TSPAN12: variants seen among roughly 807,000 people sequenced by gnomAD.
TSPAN12 encodes tetraspanin-12.
Under a neutral mutation model 39.2 loss-of-function variants are expected in TSPAN12, and 19 were observed. The observed-to-expected ratio is 0.49, with a 90% CI of 0.34 to 0.71. TSPAN12 has a LOEUF of 0.71. Among genes scored for constraint, TSPAN12 ranks in the 30% least tolerant of loss-of-function variants. The pLI is 0.01. For synonymous variants in TSPAN12, 119 were observed against 124.8 expected (o/e 0.95, Z 0.31); for missense variants, 314 against 359.9 (o/e 0.87, Z 1.03).
intron 7 of TSPAN12, among the ~76,000 whole-genome samples, chr7:120,804,033 T>C (rs1411058878): frequency 6.6e-6 from 1 of 152,152 alleles, no homozygotes; most frequent in African/African-American, 2.4e-5. Flanking sequence ...TCATGATCAA[T>C]AGTAGTTATA....
At chr7:120,840,205 T>C in intron 2 of TSPAN12, 96 bp from the exon 3 acceptor site, 1 of 934,598 alleles carries the variant, frequency 1.1e-6, no homozygotes, top group East Asian at 2.4e-5. Flanking sequence ...TTACATAATA[T>C]CTTTCCCAAT....
At chr7:120,816,242 A>T (rs1199259537) in intron 4 of TSPAN12, among the ~76,000 whole-genome samples, 1 of 152,146 alleles carries the variant, frequency 6.6e-6, no homozygotes, top group African/African-American at 2.4e-5. Flanking sequence ...GCATTCTTGG[A>T]AAAAGCACAA....
chr7:120,819,143 T>C (rs748657309), intron 4 of TSPAN12, among the ~76,000 whole-genome samples: 1 of 152,122 alleles, frequency 6.6e-6, no homozygotes, highest in Non-Finnish European at 1.5e-5. Context: ...ATTTGATATC[T>C]GGCTACAATG....
intron 4 of TSPAN12, among the ~76,000 whole-genome samples, chr7:120,819,123 T>C (rs1487158591): frequency 6.6e-6 from 1 of 152,068 alleles, no homozygotes; most frequent in Non-Finnish European, 1.5e-5. Flanking sequence ...TTAACCTAAA[T>C]TTGTTTCATA....
At chr7:120,842,982 T>G (rs1466779204) in intron 2 of TSPAN12, among the ~76,000 whole-genome samples, 2 of 152,030 alleles carry the variant, frequency 1.3e-5, no homozygotes, top group Non-Finnish European at 2.9e-5. Context: ...TAGTAATTAA[T>G]TACTATTAGT....
chr7:120,856,964 C>G, intron 1 of TSPAN12, 131 bp from the exon 2 acceptor site: 3 of 633,832 alleles, frequency 4.7e-6, no homozygotes, highest in Non-Finnish European at 8.5e-6. Context: ...GAGACATCGC[C>G]TCATCAAAAA....
rs141661584 is a variant in TSPAN12, at chr7:120,812,573, T to C, written c.361-2003A>G. Among the ~76,000 whole-genome samples, 7 of 152,338 alleles carry C rather than the reference T, an allele frequency of 4.6e-5. No individual in the cohort carries two copies. In the East Asian group the frequency reaches 1.3e-3, roughly 29 times the overall value. On this transcript the variant is annotated intron_variant, in intron 5 of 7. Coordinates refer to ENST00000222747, the MANE Select transcript of TSPAN12 (RefSeq NM_012338.4). ...CAAAATTCCTGACCACAGAAAATCT[T>C]CGTTTTTTTCTTTGTTAACTTTTTT...
At chr7:120,831,577 T>C (rs1794390930) in intron 4 of TSPAN12, among the ~76,000 whole-genome samples, 1 of 152,006 alleles carries the variant, frequency 6.6e-6, no homozygotes, top group Non-Finnish European at 1.5e-5. Context: ...CTCAGTTATA[T>C]GTGGAACCTA....
At chr7:120,826,396 A>G (rs1022997509) in intron 4 of TSPAN12, among the ~76,000 whole-genome samples, 2 of 152,184 alleles carry the variant, frequency 1.3e-5, no homozygotes, top group African/African-American at 4.8e-5. Flanking sequence ...CATGGTGTCT[A>G]TTGCCTGGTA....
At chr7:120,792,053 G>A (rs546175495) in intron 7 of TSPAN12, among the ~76,000 whole-genome samples, 8 of 152,284 alleles carry the variant, frequency 5.3e-5, no homozygotes, top group East Asian at 3.9e-4. Flanking sequence ...TCTGAGGAGC[G>A]TTTATTCACG....
Position 120,809,798 on chromosome 7 carries a change from G to A in TSPAN12, c.468+665C>T, listed in dbSNP as rs781716590. Reference sequence around the variant, plus strand: ...ATGGTTGGGTGCAGTGCTACATGGCGGTTAGGTAAGAAATGCTAAACGCAC... The same window carrying A: ...ATGGTTGGGTGCAGTGCTACATGGCAGTTAGGTAAGAAATGCTAAACGCAC... On this transcript the variant is annotated intron_variant, in intron 6 of 7. Transcript: ENST00000222747. Among the ~76,000 whole-genome samples, 46 of 152,044 alleles carry A rather than the reference G, an allele frequency of 3.0e-4. 1 individual carries two copies. The highest frequency in any genetic ancestry group is 2.8e-3 in the Admixed American group (43 of 15,260).
intron 5 of TSPAN12, among the ~76,000 whole-genome samples, chr7:120,810,800 AT>A (rs1435426909): frequency 6.6e-6 from 1 of 152,226 alleles, no homozygotes; most frequent in Non-Finnish European, 1.5e-5. Context: ...ATGAAGAGGT[AT>A]TTTGTACTAA....
chr7:120,816,760 T>C (rs112003498), intron 4 of TSPAN12, among the ~76,000 whole-genome samples: 2,517 of 152,046 alleles, frequency 0.017, 34 homozygotes, highest in Non-Finnish European at 0.025. Flanking sequence ...TATAAACTGA[T>C]AAAATAAAGG....
intron 4 of TSPAN12, among the ~76,000 whole-genome samples, chr7:120,829,496 C>T (rs1794351534): frequency 6.6e-6 from 1 of 151,874 alleles, no homozygotes; most frequent in African/African-American, 2.4e-5. Flanking sequence ...TGTTTTAACT[C>T]TCTTTACATT....
chr7:120,797,184 G>A (rs1029184841), intron 7 of TSPAN12, among the ~76,000 whole-genome samples: 4 of 152,154 alleles, frequency 2.6e-5, no homozygotes, highest in African/African-American at 7.2e-5. Context: ...TTCCTAGCCT[G>A]ACCACATTTC....
chr7:120,792,204 G>C (rs1383449884), intron 7 of TSPAN12, among the ~76,000 whole-genome samples: 1 of 152,182 alleles, frequency 6.6e-6, no homozygotes, highest in Admixed American at 6.5e-5. Flanking sequence ...GCCACCAGAG[G>C]GCGCAGAATG....
In TSPAN12 at chr7:120,840,108, A is replaced by C. The variant is rs1159549204; in HGVS notation, c.68T>G (p.Leu23Ter). 2 of 1,612,560 alleles carry C rather than the reference A, an allele frequency of 1.2e-6. No individual in the cohort carries two copies. The highest frequency in any genetic ancestry group is 1.7e-6 in the Non-Finnish European group (2 of 1,178,650). The change falls in exon 3 of 8, where the codon TTA becomes TGA. Residue 23 changes from leucine (L) to a stop codon, truncating the protein, a stop_gained and splice_region_variant. Coordinates refer to ENST00000222747, the MANE Select transcript of TSPAN12 (RefSeq NM_012338.4). LOFTEE classifies it high-confidence loss of function. The part of the protein sequence containing the change: ...LLYALNLLFW[L>*]MSISVLAVSA... ...AACTGCCAACACACTGATGGACATT[A>C]ACTGGGGAGAAAAAAGTACAAACCG...
chr7:120,804,020 A>G (rs1475859785), intron 7 of TSPAN12, among the ~76,000 whole-genome samples: 1 of 152,178 alleles, frequency 6.6e-6, no homozygotes, highest in African/African-American at 2.4e-5. Flanking sequence ...CGGTAAGTTG[A>G]TCTCATGATC....
intron 2 of TSPAN12, among the ~76,000 whole-genome samples, chr7:120,851,072 A>C (rs1218341892): frequency 1.3e-5 from 2 of 152,214 alleles, no homozygotes; most frequent in African/African-American, 4.8e-5. Flanking sequence ...TTCCTTAGGA[A>C]GAGTTCAAAA....
Sources: gnomAD v4.1 joint callset for allele counts (sites outside exome capture counted in the v4.1 genomes callset) on GRCh38, gnomAD v4.1.1 for gene constraint, MANE v1.5 for transcripts, NCBI Gene and HGNC (gene_info 2026-07-23, HGNC 2026-07-21) for gene names.